The following FBXO16 variants were observed in gnomAD, a reference collection of about 807,000 sequenced individuals.
FBXO16 encodes the protein F-box only protein 16.
A neutral mutation model predicts 41.0 loss-of-function variants in FBXO16; 31 were observed. The ratio of observed to expected loss-of-function variants is 0.76; its 90% CI spans 0.57 to 1.02. FBXO16 has a LOEUF of 1.02. FBXO16 is among the 50% of genes least tolerant of loss of function. The pLI, the probability that FBXO16 is intolerant of heterozygous loss-of-function variation, is 0.00. For synonymous variants in FBXO16, 133 were observed against 117.8 expected (o/e 1.13, Z -0.84); for missense variants, 361 against 346.2 (o/e 1.04, Z -0.34).
chr8:28,433,844 G>C (rs1051787836), intron 7 of FBXO16, among the ~76,000 whole-genome samples: 2 of 152,154 alleles, frequency 1.3e-5, no homozygotes, highest in African/African-American at 4.8e-5. Flanking sequence ...TTGAGGGTGA[G>C]GGGCCCAAGA....
chr8:28,428,884 T>G, intron 8 of FBXO16, 148 bp from the exon 9 acceptor site: 1 of 913,338 alleles, frequency 1.1e-6, no homozygotes, highest in Middle Eastern at 3.1e-4. Flanking sequence ...TTCACTCCCC[T>G]CTGCCCCCAT....
At position 28,455,242 on chromosome 8, in the gene FBXO16, AT is replaced by A. The variant is rs55790277; in HGVS notation, c.507+1523del. ...AGGTGCATGCCACCATGCTCAGCTAATTTTTTTTTTTTTTTGAGACAGAGTA... is the reference window on the plus strand; with the variant it reads ...AGGTGCATGCCACCATGCTCAGCTAATTTTTTTTTTTTTTGAGACAGAGTA... On this transcript the variant is annotated intron_variant, in intron 5 of 8. Transcript: ENST00000380254. Among the ~76,000 whole-genome samples the A allele has an allele frequency of 9.5e-3, 1,382 of 144,718 alleles. 19 individuals are homozygous for A. Among genetic ancestry groups the A allele is most frequent in the African/African-American group, 0.029 (1,125 of 39,314 alleles). 94.9% of individuals were successfully genotyped at this position (144,718 alleles called of 152,430 possible). A position where few individuals can be genotyped will look rare whatever the true frequency, so the allele number is the denominator to read the frequency against.
Position 28,428,424 on chromosome 8 carries a change from C to T in FBXO16, c.*303G>A, listed in dbSNP as rs928129598. ...CTGTCCACATTTATGCCATGAATTC[C>T]TTTTTACTGAAATACCGTAGGACTC... On this transcript the variant is annotated 3_prime_UTR_variant, in exon 9 of 9. Coordinates refer to ENST00000380254, the MANE Select transcript of FBXO16 (RefSeq NM_172366.4). 2 of 769,334 alleles carry T rather than the reference C, an allele frequency of 2.6e-6. No individual in the cohort carries two copies. The highest frequency in any genetic ancestry group is 3.9e-6 in the Non-Finnish European group (2 of 509,988). The allele number at this position is 769,334 out of a possible 1,614,324, so 47.7% of individuals were successfully genotyped here.
intron 6 of FBXO16, among the ~76,000 whole-genome samples, chr8:28,450,353 A>G (rs1029476403): frequency 1.3e-5 from 2 of 152,194 alleles, no homozygotes; most frequent in African/African-American, 2.4e-5. Context: ...GCAGAACTAA[A>G]ATCACAAAAC....
chr8:28,465,111 T>G (rs192145524), intron 3 of FBXO16: 4 of 119,114 alleles, frequency 3.4e-5, no homozygotes, highest in South Asian at 2.1e-4. Flanking sequence ...TTTATTTGAT[T>G]TTTTTTTTTC....
At chr8:28,472,339 TCTC>T (rs1268041324) in intron 3 of FBXO16, among the ~76,000 whole-genome samples, 4 of 152,140 alleles carry the variant, frequency 2.6e-5, no homozygotes, top group African/African-American at 4.8e-5. Flanking sequence ...GGCCTTAAGC[TCTC>T]CTCCTCCCTC....
At chr8:28,448,635 G>C (rs746491095) in intron 6 of FBXO16, among the ~76,000 whole-genome samples, 55 of 152,160 alleles carry the variant, frequency 3.6e-4, no homozygotes, top group Non-Finnish European at 5.4e-4. Context: ...ATTCTTGATA[G>C]AATATATCTG....
intron 3 of FBXO16, among the ~76,000 whole-genome samples, chr8:28,470,397 G>A (rs114950998): frequency 0.01 from 1,552 of 152,278 alleles, 25 homozygotes; most frequent in African/African-American, 0.036. Flanking sequence ...AAAAGGAGGA[G>A]GAGGAGCAAT....
intron 6 of FBXO16, among the ~76,000 whole-genome samples, chr8:28,449,299 T>C (rs1802914848): frequency 6.7e-6 from 1 of 148,638 alleles, no homozygotes; most frequent in African/African-American, 2.5e-5. Flanking sequence ...GTAGATCGAA[T>C]GCAATATGTA....
In FBXO16 at chr8:28,447,248, G is replaced by A. The variant is rs1300743411; in HGVS notation, c.766C>T (p.Pro256Ser). 19 of 1,613,310 alleles carry A rather than the reference G, an allele frequency of 1.2e-5. No individual in the cohort carries two copies. Among genetic ancestry groups the A allele is most frequent in the Non-Finnish European group, 1.4e-5 (17 of 1,179,922 alleles). ...TCATGTGACTGTCGGCTGAAGTCTG[G>A]GGTCATTTGGTTTCTTTTTCTTCTT... Reference protein sequence around the residue: ...QGRRKRNQMTPDFSRQSHDKK... With the variant: ...QGRRKRNQMTSDFSRQSHDKK... Residue 256 changes from proline to serine, a missense_variant, in exon 7 of 9, where the codon CCA becomes TCA. Coordinates refer to ENST00000380254, the MANE Select transcript of FBXO16 (RefSeq NM_172366.4).
At chr8:28,439,454 C>T (rs1206496487) in intron 7 of FBXO16, among the ~76,000 whole-genome samples, 1 of 151,828 alleles carries the variant, frequency 6.6e-6, no homozygotes, top group Non-Finnish European at 1.5e-5. Flanking sequence ...AAATGAACAC[C>T]CGGCCGTGCA....
chr8:28,472,311 G>C (rs1803351013), intron 3 of FBXO16, among the ~76,000 whole-genome samples: 2 of 152,028 alleles, frequency 1.3e-5, no homozygotes, highest in African/African-American at 4.8e-5. Flanking sequence ...ATGTTGCCCA[G>C]GCTAGTCTCA....
intron 2 of FBXO16, among the ~76,000 whole-genome samples, chr8:28,474,669 T>C (rs2130184532): frequency 6.6e-6 from 1 of 152,356 alleles, no homozygotes; most frequent in South Asian, 2.1e-4. Context: ...TAGAAATGTG[T>C]GTGTGTGCAC....
In FBXO16 at chr8:28,428,722, G is replaced by T; in HGVS notation, c.*5C>A. On this transcript the variant is annotated 3_prime_UTR_variant, in exon 9 of 9. Coordinates refer to ENST00000380254, the MANE Select transcript of FBXO16 (RefSeq NM_172366.4). ...GAGCTGGAACTTTTAGGGGAGAGCT[G>T]GCACTTAGGGACATCTAGAAAGGAA... 1 of 1,555,422 alleles carries T rather than the reference G, an allele frequency of 6.4e-7. No individual in the cohort carries two copies. The highest frequency in any genetic ancestry group is 2.4e-5 in the East Asian group (1 of 42,130).
At chr8:28,454,753 G>GAAAAAAAAAAAAAACAAAAAA (rs1563363014) in intron 5 of FBXO16, among the ~76,000 whole-genome samples, 1 of 58,368 alleles carries the variant, frequency 1.7e-5, no homozygotes, top group African/African-American at 9.9e-5. Context: ...AAAAAAAAAG[G>GAAAAAAAAAAAAAACAAAAAA]ATCATTAATT....
chr8:28,477,929 C>G (rs1338962144), intron 2 of FBXO16, among the ~76,000 whole-genome samples: 1 of 152,096 alleles, frequency 6.6e-6, no homozygotes, highest in East Asian at 1.9e-4. Flanking sequence ...AGGAAGATAG[C>G]TTGAGCCCAG....
intron 3 of FBXO16, among the ~76,000 whole-genome samples, chr8:28,468,225 A>G (rs1193514969): frequency 6.6e-6 from 1 of 152,182 alleles, no homozygotes; most frequent in African/African-American, 2.4e-5. Flanking sequence ...CATGTACGGT[A>G]CCTTGCTTCC....
Position 28,429,396 on chromosome 8 carries a change from C to T in FBXO16, c.851G>A (p.Arg284Lys). Residue 284 changes from arginine (R) to lysine (K), a missense_variant, in exon 8 of 9, where the codon AGG becomes AAG. Arg to Lys is a conservative substitution (Grantham distance 26, BLOSUM62 2). Transcript: ENST00000380254. ...RLRKAQSMMS[R>K]RNPFPLCP ...AACTCACAGTGGGAAGGGATTTCTC[C>T]TCGACATCTGGCCGCGAGCAGGAAA... The T allele has an allele frequency of 6.2e-7, 1 of 1,613,956 alleles. No individual in the cohort carries two copies. Among genetic ancestry groups the T allele is most frequent in the Non-Finnish European group, 8.5e-7 (1 of 1,179,952 alleles).
chr8:28,475,214 C>A (rs1037928479), intron 2 of FBXO16, among the ~76,000 whole-genome samples: 2 of 152,166 alleles, frequency 1.3e-5, no homozygotes, highest in African/African-American at 4.8e-5. Context: ...TCCCACACAT[C>A]ATGCTTTCCT....
Sources: gnomAD v4.1 joint callset for allele counts (sites outside exome capture counted in the v4.1 genomes callset) on GRCh38, gnomAD v4.1.1 for gene constraint, MANE v1.5 for transcripts, NCBI Gene and HGNC (gene_info 2026-07-23, HGNC 2026-07-21) for gene names.